Variants in NKAIN2 observed in about 807,000 individuals in gnomAD.
NKAIN2 encodes the protein sodium/potassium transporting ATPase interacting 2.
Under a neutral mutation model 32.6 loss-of-function variants are expected in NKAIN2, and 14 were observed. That is an observed-to-expected ratio of 0.43 (90% confidence interval 0.28 to 0.67). NKAIN2 has a LOEUF of 0.67. Among genes scored for constraint, NKAIN2 ranks in the 30% least tolerant of loss-of-function variants. The pLI, the probability that NKAIN2 is intolerant of heterozygous loss-of-function variation, is 0.17. For synonymous variants in NKAIN2, 80 were observed against 87.2 expected, an observed-to-expected ratio of 0.92 and a Z score of 0.46; for missense variants, 198 against 258.3, an observed-to-expected ratio of 0.77 and a Z score of 1.60.
intron 1 of NKAIN2, among the ~76,000 whole-genome samples, chr6:124,171,859 T>A (rs1288587522): frequency 6.6e-6 from 1 of 150,916 alleles, no homozygotes; most frequent in East Asian, 2.0e-4. Flanking sequence ...ACTCTTTTTT[T>A]TTTTTGAGAG....
At chr6:124,458,600 G>T (rs1413888455) in intron 3 of NKAIN2, among the ~76,000 whole-genome samples, 1 of 151,728 alleles carries the variant, frequency 6.6e-6, no homozygotes, top group African/African-American at 2.4e-5. Context: ...AACCTATTCT[G>T]CAAGTAGAAA....
At chr6:123,926,781 A>G (rs1763622940) in intron 1 of NKAIN2, among the ~76,000 whole-genome samples, 1 of 152,206 alleles carries the variant, frequency 6.6e-6, no homozygotes, top group African/African-American at 2.4e-5. Context: ...ATGCAACCAG[A>G]TTAGTTGTAA....
chr6:124,636,543 C>T (rs1783780167), intron 3 of NKAIN2, among the ~76,000 whole-genome samples: 1 of 151,658 alleles, frequency 6.6e-6, no homozygotes, highest in Admixed American at 6.6e-5. Context: ...GGGGAGAAGA[C>T]CCAAATAAAT....
At chr6:124,459,224 C>T (rs1245362696) in intron 3 of NKAIN2, among the ~76,000 whole-genome samples, 2 of 151,824 alleles carry the variant, frequency 1.3e-5, no homozygotes, top group Non-Finnish European at 2.9e-5. Flanking sequence ...GATTGACTGG[C>T]TTATAAAGTC....
rs946384354 is a variant in NKAIN2, at chr6:124,039,293, A to G, written c.54+235039A>G. Among the ~76,000 whole-genome samples the G allele has an allele frequency of 5.9e-5, 9 of 152,148 alleles. No homozygotes were observed. In the East Asian group the frequency reaches 1.2e-3, roughly 20 times the overall value. On this transcript the variant is annotated intron_variant, in intron 1 of 6. Coordinates refer to ENST00000368417, the MANE Select transcript of NKAIN2 (RefSeq NM_001040214.3). ...TGAGTTAATATATGATAGGGCATGT[A>G]GCCCTCAGCAATCCTCTTTTCAAAT...
chr6:124,085,815 G>T (rs540180889), intron 1 of NKAIN2, among the ~76,000 whole-genome samples: 8 of 151,804 alleles, frequency 5.3e-5, no homozygotes, highest in Non-Finnish European at 1.2e-4. Context: ...GATTATGACG[G>T]CTTGGTAAAT....
At chr6:124,033,906 A>G (rs372980553) in intron 1 of NKAIN2, among the ~76,000 whole-genome samples, 2 of 152,142 alleles carry the variant, frequency 1.3e-5, no homozygotes, top group East Asian at 3.9e-4. Flanking sequence ...TAGTAGTAAT[A>G]AAAATATTTT....
At chr6:124,360,825 T>A (rs1799256155) in intron 3 of NKAIN2, among the ~76,000 whole-genome samples, 1 of 152,184 alleles carries the variant, frequency 6.6e-6, no homozygotes. Context: ...GGTTGATATT[T>A]TCCTAGATGT....
intron 1 of NKAIN2, among the ~76,000 whole-genome samples, chr6:123,955,720 G>T (rs1212879436): frequency 6.6e-6 from 1 of 151,602 alleles, no homozygotes; most frequent in Non-Finnish European, 1.5e-5. Context: ...CGAACTCCTG[G>T]TCTCAAGCCA....
chr6:123,911,787 A>ATATG lies in NKAIN2; in HGVS notation c.54+107536_54+107537insGTAT, dbSNP rs1554222342. Among the ~76,000 whole-genome samples the ATATG allele has an allele frequency of 9.5e-3, 677 of 71,222 alleles. 23 individuals are homozygous for ATATG. The highest frequency in any genetic ancestry group is 0.021 in the Middle Eastern group (3 of 146). The allele number at this position is 71,222 out of a possible 152,430, so 46.7% of individuals were successfully genotyped here. On this transcript the variant is annotated intron_variant, in intron 1 of 6. Transcript: ENST00000368417. ...GTCGTATATATACATACATACATATATATATATATATATGTATATATATAT... is the reference window on the plus strand; with the variant it reads ...GTCGTATATATACATACATACATATATATGTATATATATATATGTATATATATAT...
intron 3 of NKAIN2, among the ~76,000 whole-genome samples, chr6:124,457,096 T>C (rs1392172288): frequency 6.6e-6 from 1 of 151,916 alleles, no homozygotes; most frequent in Non-Finnish European, 1.5e-5. Flanking sequence ...GCTCTGTGTG[T>C]ACTGCCTTCA....
intron 3 of NKAIN2, among the ~76,000 whole-genome samples, chr6:124,569,019 A>G (rs912480035): frequency 1.3e-5 from 2 of 152,110 alleles, no homozygotes; most frequent in African/African-American, 4.8e-5. Flanking sequence ...GGAATCCTAA[A>G]TTAATCCTGT....
At chr6:124,501,997 G>A (rs935187833) in intron 3 of NKAIN2, among the ~76,000 whole-genome samples, 15 of 152,092 alleles carry the variant, frequency 9.9e-5, no homozygotes, top group African/African-American at 3.1e-4. Flanking sequence ...TCCCAGCTAC[G>A]GAAGGCTGAA....
chr6:124,374,054 G>C (rs1799881448), intron 3 of NKAIN2, among the ~76,000 whole-genome samples: 1 of 152,052 alleles, frequency 6.6e-6, no homozygotes. Context: ...AGAAACTGAT[G>C]GAGTGGGAGC....
intron 1 of NKAIN2, among the ~76,000 whole-genome samples, chr6:124,015,817 A>G (rs1169693200): frequency 6.6e-6 from 1 of 152,184 alleles, no homozygotes; most frequent in Non-Finnish European, 1.5e-5. Flanking sequence ...AGAAAGTACA[A>G]TTCCAGGTAA....
intron 1 of NKAIN2, among the ~76,000 whole-genome samples, chr6:123,972,958 C>G (rs1240456341): frequency 6.6e-6 from 1 of 152,032 alleles, no homozygotes; most frequent in Admixed American, 6.6e-5. Context: ...ATCAAATAAA[C>G]CAGAAAGTTA....
intron 1 of NKAIN2, among the ~76,000 whole-genome samples, chr6:123,942,350 T>C (rs1366767853): frequency 6.6e-6 from 1 of 152,062 alleles, no homozygotes; most frequent in East Asian, 1.9e-4. Context: ...TAAAGAGTTT[T>C]CCTGCTTATA....
chr6:124,094,678 G>A (rs981151145), intron 1 of NKAIN2, among the ~76,000 whole-genome samples: 3 of 151,920 alleles, frequency 2.0e-5, no homozygotes, highest in African/African-American at 4.8e-5. Flanking sequence ...TTTCAGGTGC[G>A]GATCCAAAGT....
intron 1 of NKAIN2, among the ~76,000 whole-genome samples, chr6:124,089,284 G>A (rs1229122278): frequency 6.6e-6 from 1 of 151,712 alleles, no homozygotes. Context: ...ACATTAGTGT[G>A]AGTACCGTGA....
Sources: allele counts gnomAD v4.1 joint callset (sites outside exome capture counted in the v4.1 genomes callset), GRCh38; gene constraint gnomAD v4.1.1; transcripts MANE v1.5; gene names NCBI Gene and HGNC (gene_info 2026-07-23, HGNC 2026-07-21).